The following XRCC4 variants were observed in gnomAD, a reference collection of about 807,000 sequenced individuals.
XRCC4 encodes X-ray repair cross complementing 4, also known as DNA repair protein XRCC4.
A neutral mutation model predicts 39.1 loss-of-function variants in XRCC4; 28 were observed. That is an observed-to-expected ratio of 0.72 (90% CI 0.53 to 0.98). XRCC4 has a LOEUF of 0.98. XRCC4 is among the 50% of genes least tolerant of loss of function. The probability of loss-of-function intolerance (pLI) is 0.00; values close to 1 mark genes in which losing one functional copy is unlikely to be tolerated. For missense variants in XRCC4, 350 were observed against 376.4 expected (o/e 0.93, Z 0.58); for synonymous variants, 123 against 126.4 (o/e 0.97, Z 0.18).
chr5:83,106,721 T>C (rs560702802), intron 2 of XRCC4, among the ~76,000 whole-genome samples: 63 of 152,116 alleles, frequency 4.1e-4, no homozygotes, highest in Non-Finnish European at 5.3e-4. Context: ...ATCATTTCAC[T>C]AGATGGTACT....
chr5:83,204,186 T>C (rs1751328396), intron 5 of XRCC4, among the ~76,000 whole-genome samples: 1 of 152,148 alleles, frequency 6.6e-6, no homozygotes, highest in Non-Finnish European at 1.5e-5. Context: ...TGTACTTGAT[T>C]TTTATGGAAG....
At chr5:83,245,690 G>A (rs1753073744) in intron 6 of XRCC4, among the ~76,000 whole-genome samples, 1 of 151,984 alleles carries the variant, frequency 6.6e-6, no homozygotes, top group South Asian at 2.1e-4. Context: ...TACCTAAAAA[G>A]CAACTATGTA....
At chr5:83,171,866 G>T (rs147008056) in intron 3 of XRCC4, among the ~76,000 whole-genome samples, 1 of 152,260 alleles carries the variant, frequency 6.6e-6, no homozygotes, top group Non-Finnish European at 1.5e-5. Context: ...TTCATGCTAA[G>T]CCTCTAGCAT....
At chr5:83,263,725 A>G (rs926622742) in intron 7 of XRCC4, among the ~76,000 whole-genome samples, 5 of 151,382 alleles carry the variant, frequency 3.3e-5, no homozygotes, top group East Asian at 3.9e-4. Flanking sequence ...GTTTGAGTTC[A>G]TTGTAGATTC....
intron 6 of XRCC4, among the ~76,000 whole-genome samples, chr5:83,211,453 G>A (rs1012962370): frequency 1.3e-5 from 2 of 152,144 alleles, no homozygotes; most frequent in South Asian, 4.1e-4. Flanking sequence ...TCATGGTTGG[G>A]GTAAACATAT....
intron 6 of XRCC4, among the ~76,000 whole-genome samples, chr5:83,244,556 A>C (rs1753029019): frequency 7.4e-6 from 1 of 134,440 alleles, no homozygotes; most frequent in South Asian, 2.6e-4. Flanking sequence ...CTTAATATGC[A>C]TCCAATGACT....
intron 6 of XRCC4, among the ~76,000 whole-genome samples, chr5:83,257,405 A>G (rs941489364): frequency 5.3e-5 from 8 of 152,188 alleles, no homozygotes; most frequent in African/African-American, 1.9e-4. Context: ...TCAAAAGAAG[A>G]CATTTATGCG....
chr5:83,221,914 T>C (rs1442507250), intron 6 of XRCC4, among the ~76,000 whole-genome samples: 1 of 151,886 alleles, frequency 6.6e-6, no homozygotes, highest in Admixed American at 6.6e-5. Context: ...TTTTTTATAG[T>C]TATGAAATAT....
intron 3 of XRCC4, among the ~76,000 whole-genome samples, chr5:83,154,613 T>C (rs774544144): frequency 1.3e-5 from 2 of 152,180 alleles, no homozygotes; most frequent in Non-Finnish European, 2.9e-5. Flanking sequence ...GTCTTTCTGG[T>C]TTTTCTTTCT....
intron 3 of XRCC4, among the ~76,000 whole-genome samples, chr5:83,144,973 G>C (rs953768479): frequency 1.3e-5 from 2 of 152,084 alleles, no homozygotes; most frequent in Admixed American, 1.3e-4. Context: ...TTGGCTCACT[G>C]CAAGCTCCGC....
At chr5:83,140,747 C>G (rs990920471) in intron 3 of XRCC4, among the ~76,000 whole-genome samples, 1 of 152,042 alleles carries the variant, frequency 6.6e-6, no homozygotes, top group African/African-American at 2.4e-5. Flanking sequence ...TTTATTCTTT[C>G]CCACCCCTTT....
At chr5:83,137,878 C>T (rs1747976621) in intron 3 of XRCC4, among the ~76,000 whole-genome samples, 1 of 152,160 alleles carries the variant, frequency 6.6e-6, no homozygotes, top group Non-Finnish European at 1.5e-5. Context: ...TCATGTTTAG[C>T]TGGATTTCAA....
intron 3 of XRCC4, among the ~76,000 whole-genome samples, chr5:83,120,761 G>T (rs1029225015): frequency 4.6e-5 from 7 of 152,182 alleles, no homozygotes; most frequent in Non-Finnish European, 1.0e-4. Context: ...CTTTTTGTGG[G>T]TATGTTTTAA....
intron 7 of XRCC4, among the ~76,000 whole-genome samples, chr5:83,329,745 A>C (rs1338248473): frequency 6.6e-6 from 1 of 152,120 alleles, no homozygotes; most frequent in Admixed American, 6.6e-5. Flanking sequence ...ATCTCAAACA[A>C]ACTCAAATTA....
At chr5:83,147,268 A>G (rs1264311098) in intron 3 of XRCC4, among the ~76,000 whole-genome samples, 1 of 152,188 alleles carries the variant, frequency 6.6e-6, no homozygotes, top group Non-Finnish European at 1.5e-5. Flanking sequence ...TAAGAAACAA[A>G]CAAAAACTCC....
intron 6 of XRCC4, among the ~76,000 whole-genome samples, chr5:83,214,158 T>C (rs1751757480): frequency 6.6e-6 from 1 of 152,188 alleles, no homozygotes; most frequent in Non-Finnish European, 1.5e-5. Context: ...AACAAGGTTG[T>C]CTGCTCCCAT....
At chr5:83,251,604 T>A (rs145125800) in intron 6 of XRCC4, among the ~76,000 whole-genome samples, 104 of 152,254 alleles carry the variant, frequency 6.8e-4, no homozygotes, top group African/African-American at 2.2e-3. Context: ...ATAATCAACT[T>A]ACTCTTTTTT....
chr5:83,095,170 G>T (rs1185570914), intron 1 of XRCC4, among the ~76,000 whole-genome samples: 1 of 152,132 alleles, frequency 6.6e-6, no homozygotes, highest in Non-Finnish European at 1.5e-5. Context: ...TCTGTAGAAA[G>T]CTGGCCTGCT....
chr5:83,332,920 G>C (rs1469550323), intron 7 of XRCC4, among the ~76,000 whole-genome samples: 1 of 152,122 alleles, frequency 6.6e-6, no homozygotes, highest in Admixed American at 6.6e-5. Flanking sequence ...AGACCTCAGT[G>C]AATCAGTACG....
Sources: gnomAD v4.1 joint callset for allele counts (sites outside exome capture counted in the v4.1 genomes callset) on GRCh38, gnomAD v4.1.1 for gene constraint, MANE v1.5 for transcripts, NCBI Gene and HGNC (gene_info 2026-07-23, HGNC 2026-07-21) for gene names.